The following GALNT12 variants were observed in gnomAD, a reference collection of about 807,000 sequenced individuals.
GALNT12 encodes UDP-GalNAc:polypeptide N-acetylgalactosaminyltransferase 12.
In GALNT12, 45 loss-of-function variants were observed where a neutral mutation model predicts 55.5. The ratio of observed to expected loss-of-function variants is 0.81; its 90% CI spans 0.64 to 1.04. The LOEUF (loss-of-function observed/expected upper bound fraction) is 1.04, where lower values mean the gene tolerates loss of function less well. GALNT12 is among the 50% of genes least tolerant of loss of function. The pLI, the probability that GALNT12 is intolerant of heterozygous loss-of-function variation, is 0.00. For synonymous variants in GALNT12, 304 were observed against 312.2 expected (o/e 0.97, Z 0.28); for missense variants, 709 against 754.8 (o/e 0.94, Z 0.71).
At chr9:98,813,764 T>G (rs775997689) in intron 1 of GALNT12, among the ~76,000 whole-genome samples, 1 of 152,016 alleles carries the variant, frequency 6.6e-6, no homozygotes, top group Admixed American at 6.6e-5. Context: ...CCTCTCAAAG[T>G]GCTGGGATTA....
At chr9:98,829,961 C>CT (rs1371741746) in intron 3 of GALNT12, among the ~76,000 whole-genome samples, 1 of 152,242 alleles carries the variant, frequency 6.6e-6, no homozygotes, top group Admixed American at 6.5e-5. Context: ...TTTCGATACA[C>CT]TGACTTCCTT....
At position 98,848,998 on chromosome 9, in the gene GALNT12, C is replaced by T. The variant is rs768330574; in HGVS notation, c.1652C>T (p.Ala551Val). ...CAGTCCAAGAAATGTGTCCAGGCTG[C>T]GAGGAAGGAGTCGAGTGACAGTTTC... ...HEQSKKCVQA[A>V]RKESSDSFVP... is the part of the protein sequence containing the mutation. The change falls in exon 10 of 10, where the codon GCG (alanine) becomes GTG (valine). Residue 551 changes from alanine (A) to valine (V), a missense_variant. Around this residue, in one of 5 missense-constraint regions of GALNT12, gnomAD observed 262 missense variants for 310.7 expected, o/e 0.84. Transcript: ENST00000375011. 1.1e-5 allele frequency: 17 copies of T among 1,613,976 alleles called. No individual in the cohort carries two copies. Among genetic ancestry groups the T allele is most frequent in the South Asian group, 4.4e-5 (4 of 91,086 alleles).
Position 98,844,546 on chromosome 9 carries a change from G to A in GALNT12, c.1458+337G>A, listed in dbSNP as rs1836369950. On this transcript the variant is annotated intron_variant, in intron 8 of 9. Transcript: ENST00000375011. ...CCACTTGATATTTCATTTTGTACCT[G>A]TATTACTGTTTCGTTAACTGGTTCC... 2.9e-5 allele frequency: 9 copies of A among 311,568 alleles called. 1 individual carries two copies. The highest frequency in any genetic ancestry group is 2.8e-4 in the South Asian group (9 of 32,420). The allele number at this position is 311,568 out of a possible 1,614,324, so 19.3% of individuals were successfully genotyped here. A position where few individuals can be genotyped will look rare whatever the true frequency, so the allele number is the denominator to read the frequency against.
rs776358373 is a variant in GALNT12 at position 98,835,395 on chromosome 9, T to C, written c.1035+29T>C. On this transcript the variant is annotated intron_variant, in intron 5 of 9. Transcript: ENST00000375011. Reference sequence around the variant, plus strand: ...AGTATTTCAGTCTTCTCTTTGGACATGTTCTTAACTGATTCTCTCTTTGGG... The same window carrying C: ...AGTATTTCAGTCTTCTCTTTGGACACGTTCTTAACTGATTCTCTCTTTGGG... The C allele has an allele frequency of 4.9e-5, 64 of 1,305,724 alleles. 3 individuals carry two copies. In the South Asian group the frequency reaches 7.3e-4, roughly 15 times the overall value. The allele number at this position is 1,305,724 out of a possible 1,614,324, so 80.9% of individuals were successfully genotyped here. A position where few individuals can be genotyped will look rare whatever the true frequency, so the allele number is the denominator to read the frequency against.
At chr9:98,840,195 C>A in intron 7 of GALNT12, 62 bp downstream of exon 7, 1 of 1,604,760 alleles carries the variant, frequency 6.2e-7, no homozygotes, top group Non-Finnish European at 8.5e-7. Context: ...GTCTGCTCTG[C>A]AAATCCTGGG....
rs34565987 is a variant in GALNT12, at chr9:98,840,090, C to T, written c.1301C>T (p.Pro434Leu). ...DFKWFLETVY[P>L]ELHVPEDRPG... ...AAGTGGTTCTTGGAGACTGTGTATC[C>T]AGAACTGCATGTGCCTGAGGACAGG... The change falls in exon 7 of 10, where the codon CCA becomes CTA. Residue 434 changes from proline (P) to leucine (L), a missense_variant. This residue lies in a region of GALNT12 where 262 missense variants were observed against 310.7 expected (regional missense o/e 0.84). Transcript: ENST00000375011. 1.9e-4 allele frequency: 300 copies of T among 1,614,128 alleles called. 2 individuals carry two copies. In the African/African-American group the frequency reaches 3.8e-3, roughly 20 times the overall value.
At position 98,830,016 on chromosome 9, in the gene GALNT12, T is replaced by C. The variant is rs550779411; in HGVS notation, c.732-1756T>C. Among the ~76,000 whole-genome samples the C allele has an allele frequency of 2.6e-5, 4 of 152,328 alleles. No individual in the cohort carries two copies. In the East Asian group the frequency reaches 7.7e-4, roughly 29 times the overall value. On this transcript the variant is annotated intron_variant, in intron 3 of 9. Coordinates refer to ENST00000375011, the MANE Select transcript of GALNT12 (RefSeq NM_024642.5). ...GGAGTAGAATTGCAGGATCATATGG[T>C]AGCTCTATTTTTAGTTTTTTGAGGA... is the stretch of plus-strand genomic sequence containing the variant.
chr9:98,823,134 G>A, intron 1 of GALNT12, 122 bp from the exon 2 acceptor site: 2 of 906,300 alleles, frequency 2.2e-6, no homozygotes, highest in Non-Finnish European at 3.6e-6. Context: ...AGCTCTGGAA[G>A]ATCCTTCAGT....
chr9:98,829,502 T>C (rs1361726420), intron 3 of GALNT12, among the ~76,000 whole-genome samples: 1 of 151,302 alleles, frequency 6.6e-6, no homozygotes, highest in Non-Finnish European at 1.5e-5. Flanking sequence ...TATTTTTAAA[T>C]GTACAATTAA....
At position 98,846,978 on chromosome 9, in the gene GALNT12, A is replaced by G. The variant is rs541297929; in HGVS notation, c.1605+855A>G. Among the ~76,000 whole-genome samples, 227 of 152,118 alleles carry G rather than the reference A, an allele frequency of 1.5e-3. 3 individuals carry two copies. The highest frequency in any genetic ancestry group is 4.8e-3 in the African/African-American group (200 of 41,498). On this transcript the variant is annotated intron_variant, in intron 9 of 9. Transcript: ENST00000375011. ...ATAGAGATTAGTTGTTGCTTGTGGT[A>G]TTATAACCAAGAAAACACCTCTGAT...
chr9:98,826,825 A>G lies in GALNT12; in HGVS notation c.615A>G (p.Arg205=). ...TGCGCCTGATCCGCGCCAACAAGAG[A>G]GAGGGCCTGGTGCGAGCCCGGCTGC... ...PKVRLIRANK[R]EGLVRARLLG... is the part of the protein sequence containing the mutation. Residue 205 remains arginine, a synonymous_variant, in exon 3 of 10, where the codon AGA becomes AGG. Coordinates refer to ENST00000375011, the MANE Select transcript of GALNT12 (RefSeq NM_024642.5). The G allele has an allele frequency of 6.2e-7, 1 of 1,612,002 alleles. No individual in the cohort carries two copies. The highest frequency in any genetic ancestry group is 1.1e-5 in the South Asian group (1 of 90,590).
chr9:98,839,189 A>G (rs1428525776), intron 6 of GALNT12, among the ~76,000 whole-genome samples: 1 of 152,250 alleles, frequency 6.6e-6, no homozygotes, highest in African/African-American at 2.4e-5. Context: ...TCCAAGGCCA[A>G]GTGCTAAATG....
chr9:98,849,727 CAG>C lies in GALNT12; in HGVS notation c.*639_*640del, dbSNP rs1194961703. The stretch of plus-strand genomic sequence containing the variant: ...AGAGGACTAACCAAAGCTGAAATCT[CAG>C]AGAACAATTTGCTTTACTAAGCTGA... On this transcript the variant is annotated 3_prime_UTR_variant, in exon 10 of 10. Transcript: ENST00000375011. 7.5e-6 allele frequency: 3 copies of C among 398,986 alleles called. No individual in the cohort carries two copies. Among genetic ancestry groups the C allele is most frequent in the Non-Finnish European group, 1.3e-5 (3 of 226,966 alleles). 24.7% of individuals were successfully genotyped at this position (398,986 alleles called of 1,614,324 possible). A position where few individuals can be genotyped will look rare whatever the true frequency, so the allele number is the denominator to read the frequency against.
At chr9:98,818,228 A>AT (rs879722375) in intron 1 of GALNT12, among the ~76,000 whole-genome samples, 64 of 144,622 alleles carry the variant, frequency 4.4e-4, no homozygotes, top group Admixed American at 1.0e-3. Flanking sequence ...CCAACTTATT[A>AT]TTTTTTTTTT....
chr9:98,815,644 G>C (rs574680449), intron 1 of GALNT12, among the ~76,000 whole-genome samples: 2 of 152,166 alleles, frequency 1.3e-5, no homozygotes, highest in Non-Finnish European at 2.9e-5. Flanking sequence ...AGGAACTAAA[G>C]AAATATGATC....
At chr9:98,844,004 C>T (rs1218191920) in intron 7 of GALNT12, 92 bp from the exon 8 acceptor site, 1 of 836,634 alleles carries the variant, frequency 1.2e-6, no homozygotes, top group Non-Finnish European at 2.1e-6. Flanking sequence ...AGCAGGCTCT[C>T]CTCTCATGCC....
intron 3 of GALNT12, among the ~76,000 whole-genome samples, chr9:98,829,154 TATCTATCTATC>T (rs1835932929): frequency 5.4e-5 from 2 of 36,880 alleles, no homozygotes; most frequent in Admixed American, 6.6e-4. Context: ...TAATTTTTTT[TATCTATCTATC>T]TATCTATCTA....
chr9:98,824,189 G>A (rs974004743), intron 2 of GALNT12, among the ~76,000 whole-genome samples: 2 of 152,164 alleles, frequency 1.3e-5, no homozygotes, highest in Non-Finnish European at 2.9e-5. Flanking sequence ...AGACTCAATA[G>A]TGACTCACAC....
In GALNT12 at chr9:98,808,067, G is replaced by A. The variant is rs1296776010; in HGVS notation, c.369G>A (p.Pro123=). The change falls in exon 1 of 10, where the codon CCG becomes CCA. Residue 123 remains proline, a splice_region_variant and synonymous_variant. Coordinates refer to ENST00000375011, the MANE Select transcript of GALNT12 (RefSeq NM_024642.5). ...GCCGCCTGCCCGAGCGCTGGAACCC[G>A]CTGTGAGTGCACAGCTCTGGGGAGG... ...LHRRLPERWN[P]LCKEKKYDYD... The A allele has an allele frequency of 6.3e-7, 1 of 1,575,260 alleles. No homozygotes were observed. The highest frequency in any genetic ancestry group is 1.3e-5 in the African/African-American group (1 of 74,556).
Sources: gnomAD v4.1 joint callset for allele counts (sites outside exome capture counted in the v4.1 genomes callset) on GRCh38, gnomAD v4.1.1 for gene constraint, gnomAD v4.1.1 regional missense constraint, MANE v1.5 for transcripts, NCBI Gene and HGNC (gene_info 2026-07-23, HGNC 2026-07-21) for gene names.